CDYL2: variants seen among roughly 807,000 people sequenced by gnomAD.
CDYL2 encodes the protein chromodomain Y like 2.
In CDYL2, 23 loss-of-function variants were observed where a neutral mutation model predicts 49.4. That is an observed-to-expected ratio of 0.47 (90% CI 0.34 to 0.66). CDYL2 has a LOEUF of 0.66. CDYL2 is among the 30% of genes least tolerant of loss of function. CDYL2 has a pLI of 0.01. For synonymous variants in CDYL2, 360 were observed against 268.8 expected (o/e 1.34, Z -3.32); for missense variants, 678 against 656.4 (o/e 1.03, Z -0.36).
intron 2 of CDYL2, among the ~76,000 whole-genome samples, chr16:80,661,997 G>A (rs1469403602): frequency 3.9e-5 from 6 of 152,058 alleles, no homozygotes; most frequent in East Asian, 1.9e-4. Context: ...CATACCCCAC[G>A]CCAAATTCTT....
At position 80,623,326 on chromosome 16, in the gene CDYL2, A is replaced by G. The variant is rs978190609; in HGVS notation, c.835-2391T>C. Among the ~76,000 whole-genome samples, 3 of 152,164 alleles carry G rather than the reference A, an allele frequency of 2.0e-5. No homozygotes were observed. In the South Asian group the frequency reaches 6.2e-4, roughly 32 times the overall value. ...ATCAATAGCCTCTCCTGGTCTCCCT[A>G]TTTGTAAAATTCAGAGCTACCTCAG... On this transcript the variant is annotated intron_variant, in intron 3 of 6. Transcript: ENST00000570137.
chr16:80,771,416 G>A (rs1314143543), intron 1 of CDYL2, among the ~76,000 whole-genome samples: 3 of 152,096 alleles, frequency 2.0e-5, no homozygotes, highest in East Asian at 1.9e-4. Flanking sequence ...ACATACAAAC[G>A]AAAACTGGCC....
In CDYL2 at chr16:80,598,989, T is replaced by C. The variant is rs1176935495; in HGVS notation, c.*5399A>G. Reference sequence around the variant, plus strand: ...GCAAATGACTTCAAGCTGGGACTAATGGCACAGGGACAAATTAAATACTAG... The same window carrying C: ...GCAAATGACTTCAAGCTGGGACTAACGGCACAGGGACAAATTAAATACTAG... On this transcript the variant is annotated 3_prime_UTR_variant, in exon 7 of 7. Transcript: ENST00000570137. 1 of 152,088 alleles carries C rather than the reference T, an allele frequency of 6.6e-6. No individual in the cohort carries two copies. The highest frequency in any genetic ancestry group is 1.5e-5 in the Non-Finnish European group (1 of 68,030). The allele number at this position is 152,088 out of a possible 1,614,324, so 9.4% of individuals were successfully genotyped here.
chr16:80,626,117 C>A (rs1488064112), intron 3 of CDYL2, among the ~76,000 whole-genome samples: 6 of 149,970 alleles, frequency 4.0e-5, no homozygotes, highest in Non-Finnish European at 8.9e-5. Context: ...TGATGAAACC[C>A]CAACTCTCCT....
rs112148218 is a variant in CDYL2, at chr16:80,655,939, C to T, written c.617-22703G>A. The stretch of plus-strand genomic sequence containing the variant: ...AGGGAAGACGCTGTGAGAAACAGAA[C>T]ATGTTGGAACTGTGGAAGCTTAGGG... On this transcript the variant is annotated intron_variant, in intron 2 of 6. Transcript: ENST00000570137. 2.3e-3 allele frequency among the ~76,000 whole-genome samples: 356 copies of T among 152,238 alleles called. 2 individuals carry two copies. Among genetic ancestry groups the T allele is most frequent in the African/African-American group, 8.1e-3 (338 of 41,542 alleles).
At chr16:80,633,734 C>T (rs1337988613) in intron 2 of CDYL2, among the ~76,000 whole-genome samples, 1 of 152,190 alleles carries the variant, frequency 6.6e-6, no homozygotes, top group South Asian at 2.1e-4. Flanking sequence ...AGGGCTTCCT[C>T]AGGCGCTGCC....
chr16:80,785,105 C>T (rs1907392111), intron 1 of CDYL2, among the ~76,000 whole-genome samples: 1 of 152,108 alleles, frequency 6.6e-6, no homozygotes, highest in African/African-American at 2.4e-5. Flanking sequence ...TGGGAGGCTA[C>T]TGAAGACTTT....
In CDYL2 at chr16:80,718,411, T is replaced by A. The variant is rs376589998; in HGVS notation, c.25-33282A>T. Among the ~76,000 whole-genome samples, 3 of 152,278 alleles carry A rather than the reference T, an allele frequency of 2.0e-5. No homozygotes were observed. In the South Asian group the frequency reaches 6.2e-4, roughly 32 times the overall value. On this transcript the variant is annotated intron_variant, in intron 1 of 6. Transcript: ENST00000570137. ...CACATCAACCCACTGAAGGGGAGGT[T>A]AGGACTATCATACCTAATTTACAGG...
At chr16:80,680,587 G>A (rs1055816433) in intron 2 of CDYL2, among the ~76,000 whole-genome samples, 2 of 152,156 alleles carry the variant, frequency 1.3e-5, no homozygotes, top group South Asian at 2.1e-4. Flanking sequence ...TTTCTGTACC[G>A]ATGAAACTCG....
intron 2 of CDYL2, chr16:80,679,745 C>A (rs998225800): frequency 4.4e-6 from 2 of 455,996 alleles, no homozygotes; most frequent in Non-Finnish European, 8.8e-6. Flanking sequence ...ACCTGGCAGG[C>A]ACAACACCAT....
chr16:80,692,838 T>TA (rs1347726609), intron 1 of CDYL2, among the ~76,000 whole-genome samples: 2 of 152,316 alleles, frequency 1.3e-5, no homozygotes, highest in Non-Finnish European at 2.9e-5. Flanking sequence ...ACAAAACAAT[T>TA]ACTTTCAAGA....
At chr16:80,606,847 G>C (rs1265024848) in intron 6 of CDYL2, among the ~76,000 whole-genome samples, 1 of 150,318 alleles carries the variant, frequency 6.7e-6, no homozygotes, top group Non-Finnish European at 1.5e-5. Flanking sequence ...TCACTTGGTT[G>C]TCACTTCTGT....
At chr16:80,711,363 G>A (rs1030089672) in intron 1 of CDYL2, among the ~76,000 whole-genome samples, 4 of 152,198 alleles carry the variant, frequency 2.6e-5, no homozygotes, top group Admixed American at 2.6e-4. Flanking sequence ...CCCAGGCAGG[G>A]AAGCAGACGT....
At chr16:80,720,840 G>A (rs1402346473) in intron 1 of CDYL2, among the ~76,000 whole-genome samples, 1 of 152,182 alleles carries the variant, frequency 6.6e-6, no homozygotes, top group African/African-American at 2.4e-5. Flanking sequence ...AATATACCCT[G>A]AGAGCCGTCC....
intron 1 of CDYL2, among the ~76,000 whole-genome samples, chr16:80,694,828 C>T (rs1400008986): frequency 6.6e-6 from 1 of 152,052 alleles, no homozygotes; most frequent in Non-Finnish European, 1.5e-5. Flanking sequence ...CAAGATGACC[C>T]TAGAAGATCT....
intron 2 of CDYL2, among the ~76,000 whole-genome samples, chr16:80,657,877 G>T (rs929716605): frequency 6.6e-6 from 1 of 151,950 alleles, no homozygotes. Context: ...ATCTATAACT[G>T]CAAAATACTG....
At chr16:80,618,539 G>C (rs1052577570) in intron 4 of CDYL2, among the ~76,000 whole-genome samples, 1 of 152,194 alleles carries the variant, frequency 6.6e-6, no homozygotes, top group Admixed American at 6.5e-5. Context: ...GAACCATTCG[G>C]TGGGGGCTCT....
intron 3 of CDYL2, among the ~76,000 whole-genome samples, chr16:80,625,909 AT>A (rs1907277736): frequency 6.6e-6 from 1 of 152,192 alleles, no homozygotes; most frequent in Non-Finnish European, 1.5e-5. Flanking sequence ...AATGTTTACC[AT>A]TTTTAGACCC....
At chr16:80,760,950 T>C (rs760098915) in intron 1 of CDYL2, among the ~76,000 whole-genome samples, 6 of 151,836 alleles carry the variant, frequency 4.0e-5, no homozygotes, top group Non-Finnish European at 7.4e-5. Flanking sequence ...TGCGCAAAGG[T>C]GACAAAAACC....
Sources: gnomAD v4.1 joint callset for allele counts (sites outside exome capture counted in the v4.1 genomes callset) on GRCh38, gnomAD v4.1.1 for gene constraint, MANE v1.5 for transcripts, NCBI Gene and HGNC (gene_info 2026-07-23, HGNC 2026-07-21) for gene names.